SPPL2B: variants seen among roughly 807,000 people sequenced by gnomAD.
The protein encoded by SPPL2B is signal peptide peptidase like 2B.
A neutral mutation model predicts 59.7 loss-of-function variants in SPPL2B; 39 were observed. The observed-to-expected ratio is 0.65, with a 90% CI of 0.51 to 0.85. The LOEUF is 0.85. SPPL2B is among the 40% of genes least tolerant of loss of function. The pLI is 0.00. For synonymous variants in SPPL2B, 419 were observed against 370.8 expected, an observed-to-expected ratio of 1.13 and a Z score of -1.49; for missense variants, 865 against 849.0, an observed-to-expected ratio of 1.02 and a Z score of -0.23.
chr19:2,344,383 G>T lies in SPPL2B; in HGVS notation c.1135G>T (p.Glu379Ter). The T allele has an allele frequency of 6.4e-7, 1 of 1,562,924 alleles. No homozygotes were observed. Among genetic ancestry groups the T allele is most frequent in the East Asian group, 2.4e-5 (1 of 42,192 alleles). Reference protein sequence around the residue: ...LTKSGSSIMVEVATGPSDSAT... With the variant: ...LTKSGSSIMV ...GCAGAGTGGGAGCAGCATCATGGTG[G>T]AGGTGGCCACTGGGCCCTCGGACTC... Residue 379 changes from glutamate (E) to a stop codon, truncating the protein, a stop_gained, in exon 11 of 15, where the codon GAG (glutamate) becomes TAG (stop). Coordinates refer to ENST00000613503, the MANE Select transcript of SPPL2B (RefSeq NM_152988.3). LOFTEE classifies it high-confidence loss of function.
rs376802313 is a variant in SPPL2B at position 2,343,258 on chromosome 19, A to G, written c.1004A>G (p.Tyr335Cys). 13 of 1,555,970 alleles carry G rather than the reference A, an allele frequency of 8.4e-6. No homozygotes were observed. The African/African-American group carries it at 1.5e-4, about 18-fold the overall frequency. Reference sequence around the variant, plus strand: ...GCCCTGGGCATCGCCTTCTGCCTCTACATGCTGAAGACCATCCGTCTGCCC... The same window carrying G: ...GCCCTGGGCATCGCCTTCTGCCTCTGCATGCTGAAGACCATCCGTCTGCCC... ...QDALGIAFCL[Y>C]MLKTIRLPTF... The change falls in exon 9 of 15, where the codon TAC (tyrosine) becomes TGC (cysteine). Residue 335 changes from tyrosine to cysteine, a missense_variant. Coordinates refer to ENST00000613503, the MANE Select transcript of SPPL2B (RefSeq NM_152988.3).
chr19:2,339,840 A>C lies in SPPL2B; in HGVS notation c.616A>C (p.Lys206Gln). Residue 206 changes from lysine to glutamine, a missense_variant, in exon 6 of 15, where the codon AAG becomes CAG. Physicochemically the swap from Lys to Gln is moderately conservative, Grantham distance 53. Coordinates refer to ENST00000613503, the MANE Select transcript of SPPL2B (RefSeq NM_152988.3). ...TCTCCCAAGAAGGTACATGAAGCAC[A>C]AGCGCGACGATGGGCCCGAGAAGCA... ...RDVKKRYMKH[K>Q]RDDGPEKQED... The C allele has an allele frequency of 6.2e-7, 1 of 1,607,010 alleles. No homozygotes were observed. Among genetic ancestry groups the C allele is most frequent in the Non-Finnish European group, 8.5e-7 (1 of 1,176,896 alleles).
Position 2,340,104 on chromosome 19 carries a change from G to A in SPPL2B, c.771G>A (p.Leu257=), listed in dbSNP as rs760370255. The A allele has an allele frequency of 1.9e-6, 3 of 1,594,898 alleles. No homozygotes were observed. Among genetic ancestry groups the A allele is most frequent in the Non-Finnish European group, 1.7e-6 (2 of 1,176,014 alleles). Residue 257 remains leucine (L), a synonymous_variant, in exon 7 of 15, where the codon CTG becomes CTA. Coordinates refer to ENST00000613503, the MANE Select transcript of SPPL2B (RefSeq NM_152988.3). Reference sequence around the variant, plus strand: ...ACGTGGTCATCGGGATCTTCTGCCTGGCCTCCGCCACCGGCCTCTACAGCT... The same window carrying A: ...ACGTGGTCATCGGGATCTTCTGCCTAGCCTCCGCCACCGGCCTCTACAGCT... ...LVYVVIGIFC[L]ASATGLYSCL...
chr19:2,331,518 A>G (rs942611658), intron 1 of SPPL2B, among the ~76,000 whole-genome samples: 1 of 151,750 alleles, frequency 6.6e-6, no homozygotes, highest in African/African-American at 2.4e-5. Context: ...CAGGTGAGGA[A>G]ACTCTTCCCG....
intron 2 of SPPL2B, 131 bp downstream of exon 2, chr19:2,334,852 T>A (rs1265828341): frequency 4.9e-6 from 6 of 1,213,892 alleles, no homozygotes; most frequent in Non-Finnish European, 6.6e-6. Flanking sequence ...TCTGGGGGAC[T>A]CTTAGCTGGC....
At chr19:2,351,786 G>C (rs1461101471) in intron 14 of SPPL2B, 192 bp downstream of exon 14, 5 of 778,160 alleles carry the variant, frequency 6.4e-6, no homozygotes, top group Non-Finnish European at 7.7e-6. Context: ...TCCTGTGCCG[G>C]GTGGGATGCG....
At chr19:2,330,327 C>T (rs1246087786) in intron 1 of SPPL2B, 1 of 145,686 alleles carries the variant, frequency 6.9e-6, no homozygotes, top group Non-Finnish European at 1.5e-5. Flanking sequence ...GTTGGTCAGG[C>T]TGGTCTCGAA....
chr19:2,335,785 C>T (rs55673118), intron 2 of SPPL2B, among the ~76,000 whole-genome samples: 19,231 of 152,232 alleles, frequency 0.13, 1,396 homozygotes, highest in African/African-American at 0.18. Flanking sequence ...CACTGTGTCC[C>T]GCCCCCTCCT....
intron 1 of SPPL2B, 136 bp downstream of exon 1, chr19:2,328,911 T>G: frequency 1.3e-6 from 1 of 782,220 alleles, no homozygotes; most frequent in Non-Finnish European, 1.8e-6. Flanking sequence ...CCCCGCGTTG[T>G]CGGCCGGCGG....
chr19:2,344,131 C>G, intron 10 of SPPL2B, 92 bp downstream of exon 10: 1 of 614,586 alleles, frequency 1.6e-6, no homozygotes, highest in East Asian at 4.7e-5. Flanking sequence ...TCACCCCGCC[C>G]CCTCGTCCCG....
rs1970101039 is a variant in SPPL2B at position 2,354,968 on chromosome 19, C to T, written c.*1759C>T. On this transcript the variant is annotated 3_prime_UTR_variant, in exon 15 of 15. Transcript: ENST00000613503. ...GTGCTGTGAGGTGCCCAGCGTCACT[C>T]CCATGGGCTCTGTGGGCCATGTGGT... 6.6e-6 allele frequency among the ~76,000 whole-genome samples: 1 copy of T among 152,358 alleles called. No homozygotes were observed. Among genetic ancestry groups the T allele is most frequent in the South Asian group, 2.1e-4 (1 of 4,834 alleles).
intron 8 of SPPL2B, chr19:2,341,981 C>T: frequency 5.2e-6 from 1 of 190,978 alleles, no homozygotes; most frequent in South Asian, 8.7e-5. Context: ...TCTCTGGGTG[C>T]TTGAAGTACG....
At chr19:2,339,321 C>T (rs1227648045) in intron 5 of SPPL2B, 113 bp downstream of exon 5, 28 of 1,240,330 alleles carry the variant, frequency 2.3e-5, no homozygotes, top group African/African-American at 9.0e-5. Context: ...AGGCACGGCT[C>T]GCCCCGTGGA....
chr19:2,351,724 C>G (rs1308841054), intron 14 of SPPL2B, 130 bp downstream of exon 14: 14 of 1,290,228 alleles, frequency 1.1e-5, no homozygotes, highest in Non-Finnish European at 1.5e-5. Context: ...CTGGTACCTT[C>G]TGCTTTGGGT....
intron 2 of SPPL2B, among the ~76,000 whole-genome samples, chr19:2,336,837 G>T (rs114918806): frequency 0.064 from 9,315 of 145,772 alleles, 461 homozygotes; most frequent in East Asian, 0.23. Flanking sequence ...CTATGTGCGT[G>T]TGTGTGTGTG....
intron 4 of SPPL2B, 107 bp from the exon 5 acceptor site, chr19:2,338,962 C>G: frequency 6.7e-7 from 1 of 1,494,764 alleles, no homozygotes; most frequent in Non-Finnish European, 9.0e-7. Context: ...AGGCGTGGCC[C>G]CTGCAGGCCA....
rs375434538 is a variant in SPPL2B at position 2,340,936 on chromosome 19, C to A, written c.878C>A (p.Pro293Gln). The part of the protein sequence containing the change: ...NNSLPYFHKR[P>Q]QARMLLLALF... The stretch of plus-strand genomic sequence containing the variant: ...AGCCTGCCCTACTTCCACAAGCGCC[C>A]GCAGGCCCGTATGCTGCTCCTGGCG... The change falls in exon 8 of 15, where the codon CCG becomes CAG. Residue 293 changes from proline to glutamine, a missense_variant. By Grantham distance (76) the Pro-to-Gln change is moderately conservative. Transcript: ENST00000613503. 1 of 1,602,154 alleles carries A rather than the reference C, an allele frequency of 6.2e-7. No homozygotes were observed. Among genetic ancestry groups the A allele is most frequent in the East Asian group, 2.2e-5 (1 of 44,864 alleles).
intron 14 of SPPL2B, among the ~76,000 whole-genome samples, chr19:2,351,926 C>T (rs1361237816): frequency 2.0e-5 from 3 of 152,088 alleles, no homozygotes; most frequent in South Asian, 2.1e-4. Flanking sequence ...AAAGTTGCTT[C>T]TCCCAAATAG....
rs1464422413 is a variant in SPPL2B at position 2,335,319 on chromosome 19, C to CAGGCCCCGCCTCCTTTCCCACTGCATCA, written c.186+598_186+599insAGGCCCCGCCTCCTTTCCCACTGCATCA. Among the ~76,000 whole-genome samples the CAGGCCCCGCCTCCTTTCCCACTGCATCA allele has an allele frequency of 8.4e-5, 4 of 47,538 alleles. 1 individual carries two copies. The highest frequency in any genetic ancestry group is 6.7e-4 in the East Asian group (1 of 1,488). 31.2% of individuals were successfully genotyped at this position (47,538 alleles called of 152,430 possible). The stretch of plus-strand genomic sequence containing the variant: ...GCCCCGCCTCCTTTCCCACTGCATC[C>CAGGCCCCGCCTCCTTTCCCACTGCATCA]TTCAGGCCCCGCCTCATTTCCCACT... On this transcript the variant is annotated intron_variant, in intron 2 of 14. Coordinates refer to ENST00000613503, the MANE Select transcript of SPPL2B (RefSeq NM_152988.3).
Sources: allele counts gnomAD v4.1 joint callset (sites outside exome capture counted in the v4.1 genomes callset), GRCh38; gene constraint gnomAD v4.1.1; transcripts MANE v1.5; gene names NCBI Gene and HGNC (gene_info 2026-07-23, HGNC 2026-07-21).